The following VWA8 variants were observed in gnomAD, a reference collection of about 807,000 sequenced individuals.
The protein encoded by VWA8 is von Willebrand factor A domain-containing protein 8.
Under a neutral mutation model 241.5 loss-of-function variants are expected in VWA8, and 221 were observed. The ratio of observed to expected loss-of-function variants is 0.91; its 90% CI spans 0.82 to 1.02. The LOEUF is 1.02. VWA8 is among the 50% of genes least tolerant of loss of function. The pLI is 0.00. For synonymous variants in VWA8, 852 were observed against 827.1 expected, an observed-to-expected ratio of 1.03 and a Z score of -0.52; for missense variants, 2,322 against 2,328.7, an observed-to-expected ratio of 1.00 and a Z score of 0.06.
chr13:41,615,523 T>C (rs984577667), intron 37 of VWA8, among the ~76,000 whole-genome samples: 3 of 152,210 alleles, frequency 2.0e-5, no homozygotes, highest in Non-Finnish European at 4.4e-5. Flanking sequence ...AGAAATCCCA[T>C]TACTCTGAGA....
Position 41,907,641 on chromosome 13 carries a change from G to A in VWA8, c.428C>T (p.Thr143Ile), listed in dbSNP as rs764924375. 1.2e-6 allele frequency: 2 copies of A among 1,614,160 alleles called. No individual in the cohort carries two copies. The highest frequency in any genetic ancestry group is 1.1e-5 in the South Asian group (1 of 91,084). Residue 143 changes from threonine (T) to isoleucine (I), a missense_variant, in exon 4 of 45, where the codon ACT becomes ATT. Thr to Ile is a moderately conservative substitution (Grantham distance 89). Coordinates refer to ENST00000379310, the MANE Select transcript of VWA8 (RefSeq NM_015058.2). Reference protein sequence around the residue: ...YIALSRDTTETDLKQRREIRA... With the variant: ...YIALSRDTTEIDLKQRREIRA... ...GATCTCTCGTCGCTGTTTGAGATCAGTTTCAGTGGTGTCCCTTGACAGGGC... is the reference window on the plus strand; with the variant it reads ...GATCTCTCGTCGCTGTTTGAGATCAATTTCAGTGGTGTCCCTTGACAGGGC...
intron 3 of VWA8, among the ~76,000 whole-genome samples, chr13:41,911,206 G>T (rs1875980230): frequency 6.6e-6 from 1 of 151,926 alleles, no homozygotes; most frequent in African/African-American, 2.4e-5. Context: ...TGGGATCACA[G>T]GCGCCTAGCA....
intron 21 of VWA8, among the ~76,000 whole-genome samples, chr13:41,742,118 T>C (rs1199898963): frequency 2.0e-5 from 3 of 152,190 alleles, no homozygotes; most frequent in South Asian, 4.1e-4. Context: ...GCAGGCTAAG[T>C]CCAGAGTGTA....
chr13:41,590,495 CTTCTTT>C, intron 41 of VWA8, 139 bp downstream of exon 41: 5 of 888,620 alleles, frequency 5.6e-6, no homozygotes, highest in African/African-American at 1.8e-5. Context: ...TCTTCTTCTT[CTTCTTT>C]TTTTTTTTTT....
chr13:41,882,973 A>T (rs970881670), intron 9 of VWA8, among the ~76,000 whole-genome samples: 7 of 152,144 alleles, frequency 4.6e-5, no homozygotes, highest in Non-Finnish European at 4.4e-5. Flanking sequence ...TATATTGTTT[A>T]AAAAAAGTCA....
chr13:41,947,931 C>CAA (rs1218456579), intron 2 of VWA8, among the ~76,000 whole-genome samples: 543 of 20,450 alleles, frequency 0.027, 93 homozygotes, highest in East Asian at 0.056. Flanking sequence ...GACCCTGTCT[C>CAA]AAAAAAAAAA....
chr13:41,653,317 C>T (rs774881484), intron 37 of VWA8, among the ~76,000 whole-genome samples: 7 of 152,102 alleles, frequency 4.6e-5, no homozygotes, highest in Non-Finnish European at 1.0e-4. Flanking sequence ...TAGCCACAAA[C>T]AGAATAAAAT....
At chr13:41,881,935 C>T (rs1874234656) in intron 9 of VWA8, among the ~76,000 whole-genome samples, 1 of 150,910 alleles carries the variant, frequency 6.6e-6, no homozygotes, top group East Asian at 2.0e-4. Context: ...GACGGGGTGG[C>T]TGCTGGGCGG....
intron 12 of VWA8, among the ~76,000 whole-genome samples, chr13:41,862,873 C>G (rs1873067022): frequency 6.6e-6 from 1 of 152,154 alleles, no homozygotes; most frequent in Non-Finnish European, 1.5e-5. Flanking sequence ...TTGGAGACTC[C>G]TCAAACAACT....
At chr13:41,832,822 A>C (rs528934221) in intron 13 of VWA8, among the ~76,000 whole-genome samples, 1 of 152,290 alleles carries the variant, frequency 6.6e-6, no homozygotes, top group Non-Finnish European at 1.5e-5. Context: ...CTAAACCAAA[A>C]TAAGAAAACA....
intron 21 of VWA8, among the ~76,000 whole-genome samples, chr13:41,757,558 T>A (rs995357831): frequency 1.9e-4 from 29 of 151,648 alleles, no homozygotes; most frequent in Non-Finnish European, 1.5e-5. Context: ...GTAAACATAG[T>A]AACCAATTGT....
chr13:41,920,728 G>C (rs1593870519), intron 2 of VWA8, among the ~76,000 whole-genome samples: 1 of 152,068 alleles, frequency 6.6e-6, no homozygotes, highest in Non-Finnish European at 1.5e-5. Flanking sequence ...ACCCTCCCAA[G>C]ACTAAACCAG....
rs925761500 is a variant in VWA8 at position 41,692,847 on chromosome 13, T to C, written c.3675+15A>G. Reference sequence around the variant, plus strand: ...AATCCTTGGCAATTTGTGGGACAAATGTGGTGTTTCTTACAGCTTCTTCTT... The same window carrying C: ...AATCCTTGGCAATTTGTGGGACAAACGTGGTGTTTCTTACAGCTTCTTCTT... On this transcript the variant is annotated intron_variant, in intron 30 of 44. Transcript: ENST00000379310. The C allele has an allele frequency of 1.9e-6, 3 of 1,586,462 alleles. No homozygotes were observed. Among genetic ancestry groups the C allele is most frequent in the African/African-American group, 2.7e-5 (2 of 74,036 alleles).
chr13:41,858,983 G>A (rs1872883403), intron 12 of VWA8, among the ~76,000 whole-genome samples: 1 of 151,886 alleles, frequency 6.6e-6, no homozygotes, highest in African/African-American at 2.4e-5. Flanking sequence ...AGGCTGAGGT[G>A]GGAGGATGAC....
chr13:41,910,643 G>T (rs1875950765), intron 3 of VWA8, among the ~76,000 whole-genome samples: 1 of 151,248 alleles, frequency 6.6e-6, no homozygotes, highest in Admixed American at 6.6e-5. Flanking sequence ...ATTCTCAGTA[G>T]CTGACTTCGC....
chr13:41,663,155 A>G (rs1229146495), intron 37 of VWA8, among the ~76,000 whole-genome samples: 1 of 152,148 alleles, frequency 6.6e-6, no homozygotes, highest in Non-Finnish European at 1.5e-5. Flanking sequence ...GTTCCACTGT[A>G]TTCAGAACTG....
At chr13:41,655,431 T>A (rs1334875401) in intron 37 of VWA8, among the ~76,000 whole-genome samples, 3 of 151,924 alleles carry the variant, frequency 2.0e-5, no homozygotes, top group Admixed American at 2.0e-4. Context: ...AACTCACATT[T>A]AAGTGGTTCA....
At chr13:41,803,267 CAATG>C (rs763556431) in intron 17 of VWA8, among the ~76,000 whole-genome samples, 1 of 152,214 alleles carries the variant, frequency 6.6e-6, no homozygotes, top group East Asian at 1.9e-4. Context: ...GCCCAGACAA[CAATG>C]AACATCCACA....
intron 37 of VWA8, among the ~76,000 whole-genome samples, chr13:41,649,700 T>G (rs2044857138): frequency 6.6e-6 from 1 of 152,148 alleles, no homozygotes; most frequent in Admixed American, 6.5e-5. Flanking sequence ...TCTACTGAAA[T>G]GCACCTCTAA....
Sources: allele counts gnomAD v4.1 joint callset (sites outside exome capture counted in the v4.1 genomes callset), GRCh38; gene constraint gnomAD v4.1.1; transcripts MANE v1.5; gene names NCBI Gene and HGNC (gene_info 2026-07-23, HGNC 2026-07-21).